Variants in ERLEC1 observed in about 807,000 individuals in gnomAD.
The protein encoded by ERLEC1 is ER lectin.
Under a neutral mutation model 68.0 loss-of-function variants are expected in ERLEC1, and 47 were observed. That is an observed-to-expected ratio of 0.69 (90% CI 0.55 to 0.88). The LOEUF is 0.88. Among genes scored for constraint, ERLEC1 ranks in the 40% least tolerant of loss-of-function variants. The pLI is 0.00. For missense variants in ERLEC1, 567 were observed against 583.8 expected (o/e 0.97, Z 0.30); for synonymous variants, 225 against 203.2 (o/e 1.11, Z -0.91).
intron 1 of ERLEC1, among the ~76,000 whole-genome samples, chr2:53,788,930 TG>T (rs916124035): frequency 9.2e-5 from 14 of 152,132 alleles, no homozygotes; most frequent in Non-Finnish European, 1.5e-4. Context: ...TTGGCACCTG[TG>T]TTTTTTTTAA....
rs924941711 is a variant in ERLEC1 at position 53,808,213 on chromosome 2, A to G, written c.880-86A>G. On this transcript the variant is annotated intron_variant, in intron 8 of 13. Transcript: ENST00000185150. ...ACAATTTATTTTTCAAATTTTCTGC[A>G]GTTTAAAAATAATAACTTAAGCCAT... 4.2e-6 allele frequency: 6 copies of G among 1,412,614 alleles called. No homozygotes were observed. The African/African-American group carries it at 7.2e-5, about 17-fold the overall frequency. The allele number at this position is 1,412,614 out of a possible 1,614,324, so 87.5% of individuals were successfully genotyped here. A position where few individuals can be genotyped will look rare whatever the true frequency, so the allele number is the denominator to read the frequency against.
intron 8 of ERLEC1, among the ~76,000 whole-genome samples, chr2:53,806,536 T>C (rs1475088903): frequency 6.6e-6 from 1 of 152,216 alleles, no homozygotes; most frequent in African/African-American, 2.4e-5. Flanking sequence ...TATAGTAGGC[T>C]CTGTGTGTGG....
chr2:53,814,995 CTTTT>C (rs777632156), intron 13 of ERLEC1, 60 bp downstream of exon 13: 2,214 of 467,888 alleles, frequency 4.7e-3, no homozygotes, highest in Middle Eastern at 5.4e-3. Flanking sequence ...ATTTTTTTTT[CTTTT>C]TTTTTTTTTT....
intron 1 of ERLEC1, among the ~76,000 whole-genome samples, chr2:53,793,197 T>G (rs1459543297): frequency 6.6e-6 from 1 of 152,166 alleles, no homozygotes; most frequent in Non-Finnish European, 1.5e-5. Context: ...GTAAAATGAG[T>G]ATCACATTTG....
intron 1 of ERLEC1, among the ~76,000 whole-genome samples, chr2:53,791,906 T>TAA (rs569591198): frequency 4.1e-4 from 48 of 117,764 alleles, no homozygotes; most frequent in Admixed American, 9.2e-4. Flanking sequence ...AATGCTCTTT[T>TAA]AAAAAAAAAA....
intron 10 of ERLEC1, among the ~76,000 whole-genome samples, chr2:53,811,916 TTTTTG>T (rs1270568663): frequency 6.6e-6 from 1 of 152,140 alleles, no homozygotes. Context: ...ATAGGGGTTT[TTTTTG>T]TTTTGTTTTG....
chr2:53,788,133 T>G (rs1156250602), intron 1 of ERLEC1, among the ~76,000 whole-genome samples: 1 of 152,228 alleles, frequency 6.6e-6, no homozygotes, highest in Non-Finnish European at 1.5e-5. Context: ...TGTACTCTTA[T>G]GACACTTACC....
Position 53,797,526 on chromosome 2 carries a change from T to C in ERLEC1, c.360T>C (p.Tyr120=), listed in dbSNP as rs746833781. The C allele has an allele frequency of 3.0e-5, 48 of 1,611,432 alleles. No homozygotes were observed. Among genetic ancestry groups the C allele is most frequent in the African/African-American group, 6.7e-5 (5 of 74,862 alleles). ...QSSCSYRIES[Y]WTYEVCHGKH... ...TCCATCTTTTTTAGATTGAGTCTTA[T>C]TGGACTTACGAAGTATGTCATGGAA... Residue 120 remains tyrosine (Y), a synonymous_variant, in exon 4 of 14, where the codon TAT becomes TAC. Transcript: ENST00000185150.
At chr2:53,796,111 T>G (rs200948395) in intron 3 of ERLEC1, 98 bp downstream of exon 3, 1 of 134,210 alleles carries the variant, frequency 7.5e-6, no homozygotes, top group Non-Finnish European at 1.1e-5. Flanking sequence ...TTGTGTCAGG[T>G]TTTTTTTTTT....
At chr2:53,814,995 C>CTTTTTTTTTTTTTTTTT (rs777632156) in intron 13 of ERLEC1, 60 bp downstream of exon 13, 178 of 470,034 alleles carry the variant, frequency 3.8e-4, no homozygotes, top group East Asian at 9.7e-4. Context: ...ATTTTTTTTT[C>CTTTTTTTTTTTTTTTTT]TTTTTTTTTT....
At chr2:53,790,776 A>C (rs1675351027) in intron 1 of ERLEC1, among the ~76,000 whole-genome samples, 2 of 152,322 alleles carry the variant, frequency 1.3e-5, no homozygotes, top group South Asian at 4.1e-4. Flanking sequence ...CCTGGCCAAA[A>C]AATTTGTGTA....
chr2:53,808,520 C>A, intron 9 of ERLEC1, 60 bp downstream of exon 9: 1 of 1,512,604 alleles, frequency 6.6e-7, no homozygotes, highest in South Asian at 1.2e-5. Context: ...CAGGTATGGT[C>A]AGTGGGCATC....
chr2:53,787,661 T>G (rs1442549092), intron 1 of ERLEC1: 1 of 338,362 alleles, frequency 3.0e-6, no homozygotes, highest in African/African-American at 2.1e-5. Context: ...AGAAGCAGCT[T>G]TCGTAGAATA....
intron 9 of ERLEC1, 21 bp from the exon 10 acceptor site, chr2:53,809,193 A>G (rs1456468932): frequency 6.4e-7 from 1 of 1,571,004 alleles, no homozygotes; most frequent in Non-Finnish European, 8.6e-7. Flanking sequence ...ACTTGATCTA[A>G]TATGTTTTCT....
At chr2:53,808,003 C>T (rs1676387881) in intron 8 of ERLEC1, among the ~76,000 whole-genome samples, 1 of 147,964 alleles carries the variant, frequency 6.8e-6, no homozygotes, top group African/African-American at 2.5e-5. Flanking sequence ...CCAGCCTGGG[C>T]GACAGAGCAA....
rs1677003546 is a variant in ERLEC1, at chr2:53,818,241, A to T, written c.*272A>T. 3.8e-6 allele frequency: 1 copy of T among 261,766 alleles called. No individual in the cohort carries two copies. The allele number at this position is 261,766 out of a possible 1,614,324, so 16.2% of individuals were successfully genotyped here. A position where few individuals can be genotyped will look rare whatever the true frequency, so the allele number is the denominator to read the frequency against. On this transcript the variant is annotated 3_prime_UTR_variant, in exon 14 of 14. Coordinates refer to ENST00000185150, the MANE Select transcript of ERLEC1 (RefSeq NM_015701.5). ...ATACTGTGATTCCAAAATAAATCTC[A>T]TCCAAGCAAGTTAGAGTCCAGCCTA...
intron 13 of ERLEC1, among the ~76,000 whole-genome samples, chr2:53,817,680 G>T (rs571499364): frequency 6.6e-6 from 1 of 151,630 alleles, no homozygotes; most frequent in Non-Finnish European, 1.5e-5. Flanking sequence ...TCCCTCCCCC[G>T]CTTGTTTAAA....
At chr2:53,815,150 C>T (rs938931175) in intron 13 of ERLEC1, among the ~76,000 whole-genome samples, 5 of 151,786 alleles carry the variant, frequency 3.3e-5, no homozygotes, top group Middle Eastern at 3.4e-3. Flanking sequence ...GGATTACAGG[C>T]GCACACCACC....
intron 6 of ERLEC1, among the ~76,000 whole-genome samples, chr2:53,800,937 T>C (rs1675969459): frequency 6.6e-6 from 1 of 152,182 alleles, no homozygotes. Context: ...TGTGTTTTAC[T>C]ATACAACCCT....
Sources: allele counts gnomAD v4.1 joint callset (sites outside exome capture counted in the v4.1 genomes callset), GRCh38; gene constraint gnomAD v4.1.1; transcripts MANE v1.5; gene names NCBI Gene and HGNC (gene_info 2026-07-23, HGNC 2026-07-21).